Variants in SLC25A48 observed in about 807,000 individuals in gnomAD.
SLC25A48 encodes solute carrier family 25 member 48, also known as CTC-321K16.1.
SLC25A48 carries 29 observed loss-of-function variants against 32.2 expected under a neutral mutation model. The ratio of observed to expected loss-of-function variants is 0.90; its 90% CI spans 0.67 to 1.23. The LOEUF (loss-of-function observed/expected upper bound fraction) is 1.23. SLC25A48 is among the 50% of genes most tolerant of loss of function. SLC25A48 has a pLI of 0.00. For synonymous variants in SLC25A48, 164 were observed against 172.3 expected (o/e 0.95, Z 0.38); for missense variants, 399 against 422.7 (o/e 0.94, Z 0.49).
chr5:135,617,871 T>C (rs1438648745), intron 1 of SLC25A48, among the ~76,000 whole-genome samples: 1 of 152,004 alleles, frequency 6.6e-6, no homozygotes, highest in Non-Finnish European at 1.5e-5. Context: ...TAACGTATGA[T>C]TTATTATCTA....
At chr5:135,766,552 G>A (rs1327922032) in intron 3 of SLC25A48, among the ~76,000 whole-genome samples, 1 of 151,060 alleles carries the variant, frequency 6.6e-6, no homozygotes, top group African/African-American at 2.4e-5. Flanking sequence ...CCTGTTATAT[G>A]GTTCATAATA....
At chr5:135,627,854 C>A (rs1752473194) in intron 1 of SLC25A48, among the ~76,000 whole-genome samples, 1 of 152,180 alleles carries the variant, frequency 6.6e-6, no homozygotes, top group South Asian at 2.1e-4. Context: ...TTTCTTTACC[C>A]ACCTCCCTCC....
At chr5:135,644,651 C>T (rs960304256) in intron 3 of SLC25A48, among the ~76,000 whole-genome samples, 2 of 152,152 alleles carry the variant, frequency 1.3e-5, no homozygotes, top group African/African-American at 4.8e-5. Context: ...GGCCACCCAG[C>T]TGATGAATGA....
chr5:135,687,688 T>C (rs1754047197), intron 3 of SLC25A48, among the ~76,000 whole-genome samples: 1 of 152,198 alleles, frequency 6.6e-6, no homozygotes, highest in Non-Finnish European at 1.5e-5. Context: ...ATTGTTTTCC[T>C]GGATTCTTGT....
At chr5:135,588,019 T>C (rs1309910936) in intron 1 of SLC25A48, among the ~76,000 whole-genome samples, 1 of 152,222 alleles carries the variant, frequency 6.6e-6, no homozygotes, top group Non-Finnish European at 1.5e-5. Flanking sequence ...TCCTGCTGTG[T>C]GTTGGCGGAG....
intron 3 of SLC25A48, among the ~76,000 whole-genome samples, chr5:135,754,400 A>T (rs1214772642): frequency 6.6e-6 from 1 of 152,072 alleles, no homozygotes; most frequent in Non-Finnish European, 1.5e-5. Flanking sequence ...TCTGGTATTT[A>T]TCATATTACA....
chr5:135,625,236 C>T (rs1480178602), intron 1 of SLC25A48, among the ~76,000 whole-genome samples: 1 of 152,100 alleles, frequency 6.6e-6, no homozygotes, highest in Non-Finnish European at 1.5e-5. Context: ...GGGAAGAGTC[C>T]TGCAGGAGGA....
chr5:135,871,188 A>G (rs1761616136), intron 4 of SLC25A48, among the ~76,000 whole-genome samples: 1 of 152,054 alleles, frequency 6.6e-6, no homozygotes, highest in Non-Finnish European at 1.5e-5. Flanking sequence ...CTGAAGTCAC[A>G]TTTGCTTCGA....
intron 3 of SLC25A48, among the ~76,000 whole-genome samples, chr5:135,664,475 G>A (rs930831607): frequency 6.6e-6 from 1 of 152,294 alleles, no homozygotes; most frequent in East Asian, 1.9e-4. Context: ...GGGTACAAGT[G>A]GTTTTTGGTT....
chr5:135,812,081 CAAAA>C (rs1306172712), intron 3 of SLC25A48, among the ~76,000 whole-genome samples: 8 of 151,014 alleles, frequency 5.3e-5, no homozygotes, highest in African/African-American at 1.7e-4. Flanking sequence ...GACTCTGTCT[CAAAA>C]AAAATAAATA....
At chr5:135,845,386 C>T (rs908540199) in intron 2 of SLC25A48, among the ~76,000 whole-genome samples, 1 of 152,274 alleles carries the variant, frequency 6.6e-6, no homozygotes, top group African/African-American at 2.4e-5. Flanking sequence ...CCCTTCTCTG[C>T]ACTCTGCCCT....
intron 1 of SLC25A48, among the ~76,000 whole-genome samples, chr5:135,604,758 T>TA (rs1169219094): frequency 3.9e-5 from 6 of 152,194 alleles, no homozygotes; most frequent in Non-Finnish European, 8.8e-5. Context: ...ACTAGAATAT[T>TA]ACGGAGTCAT....
chr5:135,817,927 A>G (rs1757768061), intron 4 of SLC25A48, among the ~76,000 whole-genome samples: 1 of 152,150 alleles, frequency 6.6e-6, no homozygotes, highest in African/African-American at 2.4e-5. Flanking sequence ...TCTATACAAA[A>G]CGCAAAAACT....
chr5:135,658,316 C>T (rs1034933668), intron 3 of SLC25A48, among the ~76,000 whole-genome samples: 1 of 152,184 alleles, frequency 6.6e-6, no homozygotes, highest in African/African-American at 2.4e-5. Flanking sequence ...GCAAGGCAGT[C>T]ATTAAATTTT....
At chr5:135,768,912 G>C (rs907064632) in intron 3 of SLC25A48, among the ~76,000 whole-genome samples, 1 of 151,584 alleles carries the variant, frequency 6.6e-6, no homozygotes, top group African/African-American at 2.4e-5. Context: ...GACATTACTC[G>C]CAATATCGCA....
intron 3 of SLC25A48, among the ~76,000 whole-genome samples, chr5:135,665,593 C>T (rs1347824604): frequency 2.6e-5 from 4 of 151,990 alleles, no homozygotes; most frequent in South Asian, 2.1e-4. Flanking sequence ...ATCTATCTTG[C>T]GTTGATTTTT....
At chr5:135,608,845 A>G (rs1371791295) in intron 1 of SLC25A48, among the ~76,000 whole-genome samples, 2 of 152,178 alleles carry the variant, frequency 1.3e-5, no homozygotes, top group African/African-American at 4.8e-5. Flanking sequence ...TGAGAGGGAT[A>G]GTGTGTGTCC....
chr5:135,645,504 A>C (rs772700242), intron 3 of SLC25A48, among the ~76,000 whole-genome samples: 1 of 152,062 alleles, frequency 6.6e-6, no homozygotes, highest in Non-Finnish European at 1.5e-5. Flanking sequence ...AAAGCCTGAC[A>C]CATGTGTTGA....
intron 3 of SLC25A48, among the ~76,000 whole-genome samples, chr5:135,743,172 A>G (rs1755550053): frequency 7.2e-6 from 1 of 138,876 alleles, no homozygotes; most frequent in African/African-American, 2.7e-5. Context: ...CCTGGGTTCA[A>G]GTGATTCTCC....
Sources: gnomAD v4.1 joint callset for allele counts (sites outside exome capture counted in the v4.1 genomes callset) on GRCh38, gnomAD v4.1.1 for gene constraint, MANE v1.5 for transcripts, NCBI Gene and HGNC (gene_info 2026-07-23, HGNC 2026-07-21) for gene names.